The following NKAIN2 variants were observed in gnomAD, a reference collection of about 807,000 sequenced individuals.
NKAIN2 encodes the protein sodium/potassium transporting ATPase interacting 2, also known as sodium/potassium-transporting ATPase subunit beta-1-interacting protein 2.
A neutral mutation model predicts 32.6 loss-of-function variants in NKAIN2; 14 were observed. The observed-to-expected ratio is 0.43, with a 90% confidence interval of 0.28 to 0.67. The LOEUF (loss-of-function observed/expected upper bound fraction) is 0.67, where lower values mean the gene tolerates loss of function less well. Among genes scored for constraint, NKAIN2 ranks in the 30% least tolerant of loss-of-function variants. NKAIN2 has a pLI of 0.17. For missense variants in NKAIN2, 198 were observed against 258.3 expected (o/e 0.77, Z 1.60); for synonymous variants, 80 against 87.2 (o/e 0.92, Z 0.46).
chr6:123,972,236 G>A (rs1778378625), intron 1 of NKAIN2, among the ~76,000 whole-genome samples: 1 of 152,180 alleles, frequency 6.6e-6, no homozygotes, highest in Non-Finnish European at 1.5e-5. Flanking sequence ...TAGGTTATTA[G>A]TAGTTAAGTT....
chr6:123,995,090 T>C (rs910136284), intron 1 of NKAIN2, among the ~76,000 whole-genome samples: 7 of 152,316 alleles, frequency 4.6e-5, no homozygotes, highest in African/African-American at 1.7e-4. Context: ...ATTTGATGAC[T>C]GTTTACCATG....
chr6:124,224,794 A>G (rs1156437797), intron 1 of NKAIN2, among the ~76,000 whole-genome samples: 1 of 152,048 alleles, frequency 6.6e-6, no homozygotes, highest in Non-Finnish European at 1.5e-5. Context: ...CTAAAATTCC[A>G]CAGACCTTGA....
chr6:123,949,301 T>A (rs531682626), intron 1 of NKAIN2, among the ~76,000 whole-genome samples: 4 of 151,978 alleles, frequency 2.6e-5, no homozygotes, highest in African/African-American at 9.7e-5. Flanking sequence ...TTTGGTTTCA[T>A]ATGAATAGTA....
intron 1 of NKAIN2, among the ~76,000 whole-genome samples, chr6:124,281,361 A>T (rs76226949): frequency 0.023 from 3,440 of 152,326 alleles, 62 homozygotes; most frequent in East Asian, 0.087. Context: ...CGCATATGTA[A>T]TACTGCCTAA....
chr6:123,852,546 A>G (rs1020850247), intron 1 of NKAIN2, among the ~76,000 whole-genome samples: 2 of 152,182 alleles, frequency 1.3e-5, no homozygotes, highest in Non-Finnish European at 2.9e-5. Context: ...TGTTGGAGGG[A>G]TATCTGCAGT....
intron 3 of NKAIN2, among the ~76,000 whole-genome samples, chr6:124,480,313 A>G (rs1437786842): frequency 1.3e-5 from 2 of 152,196 alleles, no homozygotes; most frequent in Non-Finnish European, 1.5e-5. Flanking sequence ...GCTCTCAGTG[A>G]AAAAACTCTG....
At chr6:123,858,240 C>G (rs573136115) in intron 1 of NKAIN2, among the ~76,000 whole-genome samples, 1 of 152,046 alleles carries the variant, frequency 6.6e-6, no homozygotes, top group African/African-American at 2.4e-5. Context: ...CTCAGCCTCC[C>G]AAGTAGTTGG....
chr6:124,027,605 T>A (rs1781171454), intron 1 of NKAIN2, among the ~76,000 whole-genome samples: 1 of 152,180 alleles, frequency 6.6e-6, no homozygotes, highest in Non-Finnish European at 1.5e-5. Flanking sequence ...TGTAGTCTCC[T>A]TCCTACAGTG....
chr6:124,347,881 A>G (rs1015862921), intron 2 of NKAIN2, among the ~76,000 whole-genome samples: 11 of 152,190 alleles, frequency 7.2e-5, no homozygotes, highest in Non-Finnish European at 1.5e-4. Flanking sequence ...CTGGTGAGGA[A>G]CTGCGTTCCT....
intron 3 of NKAIN2, among the ~76,000 whole-genome samples, chr6:124,548,166 T>G (rs1423308682): frequency 1.3e-5 from 2 of 152,184 alleles, no homozygotes; most frequent in African/African-American, 4.8e-5. Context: ...TAGTCCAGTC[T>G]GTAGTATATC....
intron 3 of NKAIN2, among the ~76,000 whole-genome samples, chr6:124,512,564 A>C (rs1404235733): frequency 6.6e-6 from 1 of 152,172 alleles, no homozygotes; most frequent in Admixed American, 6.5e-5. Flanking sequence ...ATAAACACTA[A>C]AAGAGCATCC....
intron 3 of NKAIN2, among the ~76,000 whole-genome samples, chr6:124,425,333 G>A (rs1368283442): frequency 6.6e-6 from 1 of 152,040 alleles, no homozygotes; most frequent in East Asian, 1.9e-4. Flanking sequence ...ATGGGTTAAA[G>A]ACTTAAATAT....
intron 3 of NKAIN2, among the ~76,000 whole-genome samples, chr6:124,507,804 C>G (rs1778544938): frequency 6.6e-6 from 1 of 151,706 alleles, no homozygotes; most frequent in South Asian, 2.1e-4. Context: ...GGTACCAAAC[C>G]CGGGGACATA....
chr6:124,412,268 C>G (rs1196449934), intron 3 of NKAIN2, among the ~76,000 whole-genome samples: 1 of 152,154 alleles, frequency 6.6e-6, no homozygotes, highest in East Asian at 1.9e-4. Flanking sequence ...TTTAGAGTTT[C>G]TGGTTTTTCT....
At chr6:124,417,713 G>T (rs1002548620) in intron 3 of NKAIN2, among the ~76,000 whole-genome samples, 1 of 152,106 alleles carries the variant, frequency 6.6e-6, no homozygotes, top group Non-Finnish European at 1.5e-5. Context: ...TATTTTGAAC[G>T]TGATGGTGGC....
At chr6:124,638,139 G>A (rs1228219513) in intron 3 of NKAIN2, among the ~76,000 whole-genome samples, 1 of 152,108 alleles carries the variant, frequency 6.6e-6, no homozygotes, top group Non-Finnish European at 1.5e-5. Flanking sequence ...TTTTGCCAAA[G>A]GTTCCAAGAA....
chr6:124,386,128 G>A (rs1244292061), intron 3 of NKAIN2, among the ~76,000 whole-genome samples: 2 of 152,248 alleles, frequency 1.3e-5, no homozygotes, highest in Admixed American at 6.5e-5. Flanking sequence ...AGTCGGGACT[G>A]TAAGATGGAT....
At chr6:123,817,299 A>G (rs1459331414) in intron 1 of NKAIN2, among the ~76,000 whole-genome samples, 1 of 152,150 alleles carries the variant, frequency 6.6e-6, no homozygotes, top group Non-Finnish European at 1.5e-5. Flanking sequence ...TAGGATGTTT[A>G]GCAACATCCC....
intron 1 of NKAIN2, among the ~76,000 whole-genome samples, chr6:123,998,217 A>G (rs1341452091): frequency 1.3e-5 from 2 of 152,218 alleles, no homozygotes; most frequent in African/African-American, 4.8e-5. Flanking sequence ...TATTTAATAC[A>G]GGATTTCTCA....
Sources: gnomAD v4.1 joint callset for allele counts (sites outside exome capture counted in the v4.1 genomes callset) on GRCh38, gnomAD v4.1.1 for gene constraint, MANE v1.5 for transcripts, NCBI Gene and HGNC (gene_info 2026-07-23, HGNC 2026-07-21) for gene names.